The following MBP variants were observed in gnomAD, a reference collection of about 807,000 sequenced individuals.
MBP encodes Golli-MBP.
In MBP, 16 loss-of-function variants were observed where a neutral mutation model predicts 35.8. The ratio of observed to expected loss-of-function variants is 0.45; its 90% CI spans 0.30 to 0.68. The LOEUF is 0.68. Among genes scored for constraint, MBP ranks in the 30% least tolerant of loss-of-function variants. MBP has a pLI of 0.08. For synonymous variants in MBP, 143 were observed against 159.6 expected (o/e 0.90, Z 0.78); for missense variants, 380 against 404.7 (o/e 0.94, Z 0.52).
Position 76,990,000 on chromosome 18 carries a change from G to A in MBP, c.637C>T (p.Arg213Trp), listed in dbSNP as rs1055908221. The change falls in exon 5 of 9, where the codon CGG becomes TGG. Residue 213 changes from arginine to tryptophan, a missense_variant. Physicochemically the swap from Arg to Trp is moderately radical, Grantham distance 101. Transcript: ENST00000355994. This position sits in a 1 kb window ranked among gnomAD's most constrained non-coding sequence, Gnocchi z 4.0. ...ACTACGGGGTTTTCATCTTGGGTCC[G>A]GCCGTGTGACTTCTGGGGCAGGGAG... ...YGSLPQKSHG[R>W]TQDENPVVHF... The A allele has an allele frequency of 1.1e-5, 17 of 1,612,662 alleles. No individual in the cohort carries two copies. The highest frequency in any genetic ancestry group is 1.4e-5 in the Non-Finnish European group (16 of 1,180,012).
chr18:77,054,307 A>G (rs1973635038), intron 3 of MBP, among the ~76,000 whole-genome samples: 1 of 152,252 alleles, frequency 6.6e-6, no homozygotes, highest in Admixed American at 6.5e-5. Flanking sequence ...GGGAGATGTC[A>G]ACGAGAAGGG....
chr18:77,079,211 G>A (rs1374220232), intron 2 of MBP, among the ~76,000 whole-genome samples: 1 of 152,228 alleles, frequency 6.6e-6, no homozygotes, highest in African/African-American at 2.4e-5. Flanking sequence ...TCTGAGAAGA[G>A]GACATCACCC....
chr18:77,007,365 C>T lies in MBP; in HGVS notation c.576+9467G>A, dbSNP rs1039900247. 3.3e-5 allele frequency among the ~76,000 whole-genome samples: 5 copies of T among 152,316 alleles called. No individual in the cohort carries two copies. In the East Asian group the frequency reaches 7.7e-4, roughly 24 times the overall value. On this transcript the variant is annotated intron_variant, in intron 4 of 8. Transcript: ENST00000355994. ...AATGGCGTGGGATTGCCACCGTCTT[C>T]GGGCAGGGGCACCCCTGGGGGCTCT...
upstream of MBP, chr18:77,132,945 T>C (rs1476253829): frequency 2.0e-5 from 3 of 151,496 alleles, no homozygotes; most frequent in Non-Finnish European, 2.9e-5. Flanking sequence ...CCGGGCCCGC[T>C]CTGCCCACGC....
At chr18:77,018,967 T>TCCAC (rs1971851789) in intron 3 of MBP, among the ~76,000 whole-genome samples, 1 of 126,836 alleles carries the variant, frequency 7.9e-6, no homozygotes, top group Non-Finnish European at 1.7e-5. Flanking sequence ...TATCCATTCA[T>TCCAC]CCATCCATCC....
In MBP at chr18:76,980,458, C is replaced by G. The variant is rs1969118009; in HGVS notation, c.884G>C (p.Ser295Thr). ...SKIFKLGGRD[S>T]RSGSPMARR ...TCTAGCCATGGGTGATCCAGAGCGACTATCTCTTCCTCCCTGAAAAGGAAG... is the reference window on the plus strand; with the variant it reads ...TCTAGCCATGGGTGATCCAGAGCGAGTATCTCTTCCTCCCTGAAAAGGAAG... Residue 295 changes from serine (S) to threonine (T), a missense_variant, in exon 9 of 9, where the codon AGT becomes ACT. Ser to Thr is a moderately conservative substitution (Grantham distance 58). Coordinates refer to ENST00000355994, the MANE Select transcript of MBP (RefSeq NM_001025101.2). 5 of 1,613,806 alleles carry G rather than the reference C, an allele frequency of 3.1e-6. No homozygotes were observed. In the East Asian group the frequency reaches 1.1e-4, roughly 36 times the overall value.
intron 3 of MBP, among the ~76,000 whole-genome samples, chr18:77,022,893 T>C (rs963098982): frequency 6.6e-6 from 1 of 152,248 alleles, no homozygotes; most frequent in African/African-American, 2.4e-5. Flanking sequence ...TAGTCGTTAA[T>C]ATTGCCTTCA....
chr18:77,023,784 A>T (rs982635672), intron 3 of MBP, among the ~76,000 whole-genome samples: 1 of 151,898 alleles, frequency 6.6e-6, no homozygotes, highest in Non-Finnish European at 1.5e-5. Context: ...AGGCCCAGAC[A>T]CCCTTCTCCG....
At chr18:77,072,843 C>G (rs181582162) in intron 2 of MBP, among the ~76,000 whole-genome samples, 3 of 152,318 alleles carry the variant, frequency 2.0e-5, no homozygotes, top group Admixed American at 2.0e-4. Flanking sequence ...CCCCATCTTG[C>G]GGCATCATTA....
rs1285147420 is a variant in MBP at position 77,029,035 on chromosome 18, G to C, written c.140-11767C>G. Reference sequence around the variant, plus strand: ...GCGGCCGGGCAGAGGCTGCAATCTCGGCACTTTGGGAGGCCAAGGCAGGCG... The same window carrying C: ...GCGGCCGGGCAGAGGCTGCAATCTCCGCACTTTGGGAGGCCAAGGCAGGCG... On this transcript the variant is annotated intron_variant, in intron 3 of 8. Coordinates refer to ENST00000355994, the MANE Select transcript of MBP (RefSeq NM_001025101.2). Among the ~76,000 whole-genome samples, 5 of 107,164 alleles carry C rather than the reference G, an allele frequency of 4.7e-5. 2 individuals are homozygous for C. The highest frequency in any genetic ancestry group is 4.8e-5 in the Non-Finnish European group (2 of 42,000). The allele number at this position is 107,164 out of a possible 152,430, so 70.3% of individuals were successfully genotyped here. A position where few individuals can be genotyped will look rare whatever the true frequency, so the allele number is the denominator to read the frequency against.
At chr18:77,014,243 G>A (rs1053491658) in intron 4 of MBP, 26 of 985,294 alleles carry the variant, frequency 2.6e-5, no homozygotes, top group East Asian at 2.3e-4. Flanking sequence ...GGGCATTCCC[G>A]GGCTCGGGGG....
At chr18:77,083,077 G>A (rs147413399) in intron 2 of MBP, among the ~76,000 whole-genome samples, 92 of 151,936 alleles carry the variant, frequency 6.1e-4, no homozygotes, top group East Asian at 2.7e-3. Context: ...GGATTTGAAC[G>A]ATTCTCATGC....
At chr18:77,092,878 G>C (rs913254104) in intron 2 of MBP, among the ~76,000 whole-genome samples, 1 of 152,190 alleles carries the variant, frequency 6.6e-6, no homozygotes, top group African/African-American at 2.4e-5. Context: ...CTGCTGCCCT[G>C]CTCAGTGGGG....
chr18:77,097,925 A>G (rs1340345072), intron 2 of MBP, among the ~76,000 whole-genome samples: 1 of 151,920 alleles, frequency 6.6e-6, no homozygotes, highest in African/African-American at 2.4e-5. Context: ...AAAAAAATAC[A>G]GTATTTAAAT....
intron 3 of MBP, among the ~76,000 whole-genome samples, chr18:77,019,179 T>C (rs867933714): frequency 6.6e-6 from 1 of 152,226 alleles, no homozygotes; most frequent in African/African-American, 2.4e-5. Flanking sequence ...GAAACCTACA[T>C]TCTAGTGGGG....
Position 77,028,623 on chromosome 18 carries a change from ACC to A in MBP, c.140-11357_140-11356del, listed in dbSNP as rs1243190728. Among the ~76,000 whole-genome samples the A allele has an allele frequency of 3.6e-3, 156 of 42,822 alleles. 8 individuals carry two copies. Among genetic ancestry groups the A allele is most frequent in the African/African-American group, 9.2e-3 (128 of 13,912 alleles). 28.1% of individuals were successfully genotyped at this position (42,822 alleles called of 152,430 possible). On this transcript the variant is annotated intron_variant, in intron 3 of 8. Coordinates refer to ENST00000355994, the MANE Select transcript of MBP (RefSeq NM_001025101.2). ...GGGCGGCTGGCCGGGCGGGGGGCTG[ACC>A]CCCCCCCACCTCCCTCCCGGACGGG...
chr18:77,077,551 A>G (rs1599196549), intron 2 of MBP, among the ~76,000 whole-genome samples: 1 of 152,110 alleles, frequency 6.6e-6, no homozygotes, highest in African/African-American at 2.4e-5. Flanking sequence ...GTTAAAGAAA[A>G]GACACAGCAT....
intron 2 of MBP, among the ~76,000 whole-genome samples, chr18:77,089,912 T>C (rs761289744): frequency 6.6e-6 from 1 of 152,152 alleles, no homozygotes; most frequent in Non-Finnish European, 1.5e-5. Flanking sequence ...CCACATCACC[T>C]AGAATGGCAT....
At chr18:77,039,882 A>C (rs1394964904) in intron 3 of MBP, among the ~76,000 whole-genome samples, 1 of 152,222 alleles carries the variant, frequency 6.6e-6, no homozygotes, top group Non-Finnish European at 1.5e-5. Flanking sequence ...TACAGTTCTT[A>C]CAACTGACAC....
Sources: allele counts gnomAD v4.1 joint callset (sites outside exome capture counted in the v4.1 genomes callset), GRCh38; gene constraint gnomAD v4.1.1; non-coding constraint Gnocchi (gnomAD v3.1); transcripts MANE v1.5; gene names NCBI Gene and HGNC (gene_info 2026-07-23, HGNC 2026-07-21).